Variants in MCPH1 observed in about 807,000 individuals in gnomAD.
MCPH1 encodes the protein microcephalin 1, also known as microcephalin.
MCPH1 carries 104 observed loss-of-function variants against 84.5 expected under a neutral mutation model. That is an observed-to-expected ratio of 1.23 (90% CI 1.05 to 1.45). The LOEUF (loss-of-function observed/expected upper bound fraction) is 1.45. Ranked by LOEUF, MCPH1 falls within the 40% of genes most tolerant of loss-of-function variation. The pLI, the probability that MCPH1 is intolerant of heterozygous loss-of-function variation, is 0.00. For missense variants in MCPH1, 1,498 were observed against 1,005.7 expected (o/e 1.49, Z -6.62); for synonymous variants, 514 against 366.8 (o/e 1.40, Z -4.58).
At chr8:6,575,424 A>G (rs1826994217) in intron 12 of MCPH1, among the ~76,000 whole-genome samples, 1 of 152,172 alleles carries the variant, frequency 6.6e-6, no homozygotes, top group African/African-American at 2.4e-5. Flanking sequence ...TGTTCTCTGG[A>G]TTATGGCTCT....
chr8:6,568,031 G>GTGTT (rs1463632175), intron 12 of MCPH1, among the ~76,000 whole-genome samples: 1 of 152,166 alleles, frequency 6.6e-6, no homozygotes, highest in African/African-American at 2.4e-5. Flanking sequence ...AGGTTCCCAT[G>GTGTT]TGTTCTCTGT....
At chr8:6,516,634 A>G (rs1390499429) in intron 12 of MCPH1, among the ~76,000 whole-genome samples, 3 of 152,244 alleles carry the variant, frequency 2.0e-5, no homozygotes, top group East Asian at 3.8e-4. Flanking sequence ...AATCTATTTC[A>G]TAAACCAGCT....
chr8:6,483,367 A>T (rs1334687104), intron 11 of MCPH1, among the ~76,000 whole-genome samples: 1 of 152,194 alleles, frequency 6.6e-6, no homozygotes, highest in Non-Finnish European at 1.5e-5. Context: ...GAATAGCCAA[A>T]ACAATTTAGA....
At chr8:6,524,750 A>G (rs1464662012) in intron 12 of MCPH1, among the ~76,000 whole-genome samples, 1 of 152,248 alleles carries the variant, frequency 6.6e-6, no homozygotes, top group Non-Finnish European at 1.5e-5. Context: ...CCCTTGAGGA[A>G]AAACTACCCT....
At chr8:6,492,749 T>G (rs145248161) in intron 11 of MCPH1, among the ~76,000 whole-genome samples, 1 of 148,964 alleles carries the variant, frequency 6.7e-6, no homozygotes, top group East Asian at 1.9e-4. Context: ...TAATAATAAT[T>G]ATTTAATATT....
intron 11 of MCPH1, chr8:6,494,021 A>T (rs970096908): frequency 2.6e-5 from 4 of 152,086 alleles, no homozygotes; most frequent in African/African-American, 9.7e-5. Context: ...GCTCACTGCA[A>T]CATCTGTCTC....
intron 12 of MCPH1, chr8:6,502,984 A>T (rs1812489892): frequency 3.1e-5 from 38 of 1,245,478 alleles, no homozygotes; most frequent in Non-Finnish European, 3.5e-5. Flanking sequence ...TCCCGTCAGC[A>T]CCGAGCACAC....
intron 12 of MCPH1, among the ~76,000 whole-genome samples, chr8:6,581,805 G>T (rs1448010682): frequency 6.6e-6 from 1 of 152,190 alleles, no homozygotes; most frequent in Non-Finnish European, 1.5e-5. Flanking sequence ...AGGCTGAGAA[G>T]TCCAATATCC....
intron 12 of MCPH1, among the ~76,000 whole-genome samples, chr8:6,598,589 C>G: frequency 6.6e-6 from 1 of 152,250 alleles, no homozygotes; most frequent in Non-Finnish European, 1.5e-5. Context: ...TCTTCCCGAA[C>G]ACCCAAGGCT....
chr8:6,535,659 G>T (rs1303230337), intron 12 of MCPH1, among the ~76,000 whole-genome samples: 2 of 152,178 alleles, frequency 1.3e-5, no homozygotes, highest in Non-Finnish European at 2.9e-5. Context: ...AAAATTCTGT[G>T]TGATACTGAC....
intron 12 of MCPH1, among the ~76,000 whole-genome samples, chr8:6,569,055 C>T (rs895973): frequency 0.99 from 151,491 of 152,344 alleles, 75,327 homozygotes; most frequent in Middle Eastern, 1. Context: ...CTTGGCCATC[C>T]AAATCAGTCA....
intron 3 of MCPH1, 75 bp from the exon 4 acceptor site, chr8:6,431,424 A>G (rs1801815380): frequency 9.3e-7 from 1 of 1,076,602 alleles, no homozygotes; most frequent in Non-Finnish European, 1.4e-6. Flanking sequence ...TTGCTAATAC[A>G]TGTGCAGATT....
intron 12 of MCPH1, among the ~76,000 whole-genome samples, chr8:6,585,437 C>T (rs910404938): frequency 9.9e-5 from 15 of 152,234 alleles, no homozygotes; most frequent in East Asian, 7.7e-4. Flanking sequence ...AGCCCCTTCC[C>T]GGGAACGCCG....
At chr8:6,417,395 G>T (rs567207571) in intron 3 of MCPH1, among the ~76,000 whole-genome samples, 5 of 78,164 alleles carry the variant, frequency 6.4e-5, no homozygotes, top group African/African-American at 1.4e-4. Context: ...TGTCTGTGTG[G>T]CAGCAAACTT....
intron 10 of MCPH1, among the ~76,000 whole-genome samples, chr8:6,480,367 C>T (rs997359375): frequency 1.3e-5 from 2 of 152,006 alleles, no homozygotes; most frequent in African/African-American, 4.8e-5. Flanking sequence ...GATCCACCCG[C>T]CTCGGCCTCC....
chr8:6,613,333 C>A (rs924560542), intron 12 of MCPH1, among the ~76,000 whole-genome samples: 4 of 152,226 alleles, frequency 2.6e-5, no homozygotes, highest in Non-Finnish European at 5.9e-5. Flanking sequence ...AGGGGACTGG[C>A]ACACCAGCCA....
Position 6,445,356 on chromosome 8 carries a change from T to A in MCPH1, c.1634T>A (p.Leu545Ter). The A allele has an allele frequency of 6.2e-7, 1 of 1,614,248 alleles. No individual in the cohort carries two copies. The highest frequency in any genetic ancestry group is 8.5e-7 in the Non-Finnish European group (1 of 1,180,050). The change falls in exon 8 of 14, where the codon TTG becomes TAG. Residue 545 changes from leucine to a stop codon, truncating the protein, a stop_gained. Transcript: ENST00000344683. LOFTEE classifies it high-confidence loss of function. Reference protein sequence around the residue: ...PKGHDDDLTPLEGSLEEMKEA... With the variant: ...PKGHDDDLTP Reference sequence around the variant, plus strand: ...GGACATGATGATGATTTAACTCCTTTGGAAGGAAGCCTTGAAGAAATGAAA... The same window carrying A: ...GGACATGATGATGATTTAACTCCTTAGGAAGGAAGCCTTGAAGAAATGAAA...
At chr8:6,554,150 A>T (rs1824166061) in intron 12 of MCPH1, among the ~76,000 whole-genome samples, 1 of 150,236 alleles carries the variant, frequency 6.7e-6, no homozygotes, top group Non-Finnish European at 1.5e-5. Context: ...TATTAGACTA[A>T]TAGTAGTCTT....
chr8:6,442,660 G>A (rs959784509), intron 7 of MCPH1, among the ~76,000 whole-genome samples: 1 of 152,142 alleles, frequency 6.6e-6, no homozygotes, highest in African/African-American at 2.4e-5. Flanking sequence ...TTGTAATGTG[G>A]GAGCCCTAGT....
Sources: allele counts gnomAD v4.1 joint callset (sites outside exome capture counted in the v4.1 genomes callset), GRCh38; gene constraint gnomAD v4.1.1; transcripts MANE v1.5; gene names NCBI Gene and HGNC (gene_info 2026-07-23, HGNC 2026-07-21).